The following GGA3 variants were observed in gnomAD, a reference collection of about 807,000 sequenced individuals.
GGA3 encodes the protein ADP-ribosylation factor-binding protein GGA3.
In GGA3, 57 loss-of-function variants were observed where a neutral mutation model predicts 77.5. That is an observed-to-expected ratio of 0.74 (90% confidence interval 0.59 to 0.92). The LOEUF (loss-of-function observed/expected upper bound fraction) is 0.92, where lower values mean the gene tolerates loss of function less well. GGA3 is among the 40% of genes least tolerant of loss of function. The pLI is 0.00. For synonymous variants in GGA3, 416 were observed against 383.7 expected, an observed-to-expected ratio of 1.08 and a Z score of -0.98; for missense variants, 970 against 914.9, an observed-to-expected ratio of 1.06 and a Z score of -0.78.
upstream of GGA3, chr17:75,261,627 A>C: frequency 6.6e-7 from 1 of 1,509,106 alleles, no homozygotes; most frequent in Non-Finnish European, 8.9e-7. Flanking sequence ...AACTCGCGAG[A>C]GTCTGCACGA....
chr17:75,258,663 C>G (rs556172944), intron 1 of GGA3, among the ~76,000 whole-genome samples: 1 of 152,130 alleles, frequency 6.6e-6, no homozygotes, highest in African/African-American at 2.4e-5. Flanking sequence ...GTGCAAGACT[C>G]TGTCTCAAAT....
At chr17:75,261,674 G>T, upstream of GGA3, 1 of 1,329,508 alleles carries the variant, frequency 7.5e-7, no homozygotes. Context: ...GGTCCTGAGA[G>T]GAGTGAGTGC....
At chr17:75,246,837 C>A (rs1355751718) in intron 1 of GGA3, 41 bp from the exon 2 acceptor site, 5 of 1,516,694 alleles carry the variant, frequency 3.3e-6, no homozygotes, top group Non-Finnish European at 4.5e-6. Flanking sequence ...TTAGGAAGAG[C>A]AATGAGGATG....
rs370889903 is a variant in GGA3 at position 75,239,918 on chromosome 17, G to C, written c.1454C>G (p.Ser485Cys). The C allele has an allele frequency of 9.3e-6, 15 of 1,610,376 alleles. No homozygotes were observed. The highest frequency in any genetic ancestry group is 1.3e-5 in the Non-Finnish European group (15 of 1,178,472). Reference protein sequence around the residue: ...PAPSAGSSLFSTGVAPALAPK... With the variant: ...PAPSAGSSLFCTGVAPALAPK... ...GGCCAAGGCTGGGGCCACTCCAGTA[G>C]AAAACAAGGAGGAGCCCGCACTGGG... is the stretch of plus-strand genomic sequence containing the variant. Residue 485 changes from serine to cysteine, a missense_variant, in exon 13 of 17, where the codon TCT (serine) becomes TGT (cysteine). Physicochemically the swap from Ser to Cys is moderately radical, Grantham distance 112. Coordinates refer to ENST00000537686, the MANE Select transcript of GGA3 (RefSeq NM_138619.4).
intron 1 of GGA3, among the ~76,000 whole-genome samples, chr17:75,257,634 ATCAT>A (rs1401534940): frequency 6.6e-6 from 1 of 152,074 alleles, no homozygotes; most frequent in Non-Finnish European, 1.5e-5. Context: ...GCCATCACCA[ATCAT>A]TCTATACGAC....
At chr17:75,243,290 G>T in intron 5 of GGA3, 124 bp from the exon 6 acceptor site, 1 of 1,122,398 alleles carries the variant, frequency 8.9e-7, no homozygotes, top group Non-Finnish European at 1.3e-6. Context: ...AGGGCAGGCT[G>T]CTACACCTTA....
In GGA3 at chr17:75,239,208, G is replaced by T. The variant is rs2076433367; in HGVS notation, c.1781-125C>A. On this transcript the variant is annotated intron_variant, in intron 14 of 16. Coordinates refer to ENST00000537686, the MANE Select transcript of GGA3 (RefSeq NM_138619.4). ...TCCAGTGCTTCCTAACGGAATCTGG[G>T]AGAGGCGCTCAGTGAGGAGCTTAAG... 7 of 1,022,136 alleles carry T rather than the reference G, an allele frequency of 6.8e-6. No homozygotes were observed. The South Asian group carries it at 8.1e-5, about 12-fold the overall frequency. 63.3% of individuals were successfully genotyped at this position (1,022,136 alleles called of 1,614,324 possible). A position where few individuals can be genotyped will look rare whatever the true frequency, so the allele number is the denominator to read the frequency against.
At chr17:75,240,633 A>T in intron 11 of GGA3, 179 bp downstream of exon 11, 1 of 730,992 alleles carries the variant, frequency 1.4e-6, no homozygotes, top group Non-Finnish European at 2.2e-6. Context: ...GGCAGAGTCC[A>T]CCGGGAGGAT....
intron 11 of GGA3, 37 bp downstream of exon 11, chr17:75,240,775 G>A (rs2076521515): frequency 6.3e-7 from 1 of 1,576,040 alleles, no homozygotes; most frequent in African/African-American, 1.3e-5. Flanking sequence ...CCAGAGCCCT[G>A]TCAGGGGATG....
In GGA3 at chr17:75,238,129, T is replaced by TTGGTTCTCAGCAGAA. The variant is rs1460667037; in HGVS notation, c.*135_*149dup. ...AAGGAGAGGTTATCACAGCAGCAGT[T>TTGGTTCTCAGCAGAA]TGGTTCTCAGCAGAAATGCCCAGGG... On this transcript the variant is annotated 3_prime_UTR_variant, in exon 17 of 17. Transcript: ENST00000537686. 7.0e-7 allele frequency: 1 copy of TTGGTTCTCAGCAGAA among 1,431,964 alleles called. No individual in the cohort carries two copies. Among genetic ancestry groups the TTGGTTCTCAGCAGAA allele is most frequent in the Admixed American group, 2.8e-5 (1 of 35,750 alleles). 88.7% of individuals were successfully genotyped at this position (1,431,964 alleles called of 1,614,324 possible). A position where few individuals can be genotyped will look rare whatever the true frequency, so the allele number is the denominator to read the frequency against.
Position 75,246,523 on chromosome 17 carries a change from G to A in GGA3, c.187C>T (p.Leu63Phe). The A allele has an allele frequency of 1.2e-6, 2 of 1,611,142 alleles. No homozygotes were observed. Among genetic ancestry groups the A allele is most frequent in the Non-Finnish European group, 1.7e-6 (2 of 1,177,262 alleles). Reference sequence around the variant, plus strand: ...GAAGGACCTACCGTCAGGGCCTGGAGCGCCTCCCATTCCTGTGGGGACTGG... The same window carrying A: ...GAAGGACCTACCGTCAGGGCCTGGAACGCCTCCCATTCCTGTGGGGACTGG... Reference protein sequence around the residue: ...KIQSPQEWEALQALTVLEACM... With the variant: ...KIQSPQEWEAFQALTVLEACM... The change falls in exon 3 of 17, where the codon CTC (leucine) becomes TTC (phenylalanine). Residue 63 changes from leucine to phenylalanine, a missense_variant. By Grantham distance (22) the Leu-to-Phe change is conservative. Coordinates refer to ENST00000537686, the MANE Select transcript of GGA3 (RefSeq NM_138619.4).
intron 1 of GGA3, among the ~76,000 whole-genome samples, chr17:75,253,179 A>G (rs1241413748): frequency 6.6e-6 from 1 of 152,150 alleles, no homozygotes. Context: ...CCCAAGGAAC[A>G]TCTCACCAAT....
chr17:75,250,900 G>C (rs1279896244), intron 1 of GGA3, among the ~76,000 whole-genome samples: 2 of 151,920 alleles, frequency 1.3e-5, no homozygotes, highest in African/African-American at 4.8e-5. Context: ...TGACCAACAT[G>C]GTGAAACCCC....
intron 1 of GGA3, 78 bp downstream of exon 1, chr17:75,261,470 C>G (rs2077373583): frequency 8.3e-7 from 1 of 1,199,858 alleles, no homozygotes; most frequent in African/African-American, 1.6e-5. Flanking sequence ...GCCGTGGAGC[C>G]CGGGGAGGGG....
intron 1 of GGA3, among the ~76,000 whole-genome samples, chr17:75,249,633 A>G (rs1022480774): frequency 2.6e-5 from 4 of 152,212 alleles, no homozygotes; most frequent in Admixed American, 2.6e-4. Context: ...CCAAAAGTCT[A>G]CAGGGTACAA....
chr17:75,256,880 C>CT lies in GGA3; in HGVS notation c.40+4667_40+4668insA, dbSNP rs1279849798. ...ACTAGGTAAGTAGAGGCCTTTCCTA[C>CT]AGGGTCTGAGAAGGCCACCGCAGTC... On this transcript the variant is annotated intron_variant, in intron 1 of 16. Transcript: ENST00000537686. 9.2e-5 allele frequency among the ~76,000 whole-genome samples: 14 copies of CT among 152,240 alleles called. No individual in the cohort carries two copies. In the South Asian group the frequency reaches 2.9e-3, roughly 32 times the overall value.
In GGA3 at chr17:75,237,241, G is replaced by A. The variant is rs554936268; in HGVS notation, c.*1038C>T. ...TCATCACCTCCAGACCCAACATCTC[G>A]CTGACAGTGCCCCTCAGTAGCTGGG... On this transcript the variant is annotated 3_prime_UTR_variant, in exon 17 of 17. Transcript: ENST00000537686. 2.7e-5 allele frequency: 16 copies of A among 596,148 alleles called. No individual in the cohort carries two copies. The highest frequency in any genetic ancestry group is 3.9e-5 in the Non-Finnish European group (13 of 333,664). 36.9% of individuals were successfully genotyped at this position (596,148 alleles called of 1,614,324 possible).
intron 6 of GGA3, 63 bp from the exon 7 acceptor site, chr17:75,242,974 A>G (rs891352092): frequency 6.7e-6 from 10 of 1,490,278 alleles, no homozygotes; most frequent in Admixed American, 6.7e-5. Flanking sequence ...GGGAAACCCC[A>G]GAGGCTCCCC....
At position 75,253,447 on chromosome 17, in the gene GGA3, G is replaced by A. The variant is rs534855069; in HGVS notation, c.41-6651C>T. 3.8e-3 allele frequency among the ~76,000 whole-genome samples: 580 copies of A among 152,262 alleles called. 2 individuals carry two copies. The highest frequency in any genetic ancestry group is 0.013 in the African/African-American group (549 of 41,542). On this transcript the variant is annotated intron_variant, in intron 1 of 16. Coordinates refer to ENST00000537686, the MANE Select transcript of GGA3 (RefSeq NM_138619.4). ...TCTGATTATTCACTCACGTTTCAAA[G>A]GTGTCAGACCACTCAGGGACGCCTG... is the stretch of plus-strand genomic sequence containing the variant.
Sources: gnomAD v4.1 joint callset for allele counts (sites outside exome capture counted in the v4.1 genomes callset) on GRCh38, gnomAD v4.1.1 for gene constraint, MANE v1.5 for transcripts, NCBI Gene and HGNC (gene_info 2026-07-23, HGNC 2026-07-21) for gene names.